Variants in ADGRL2 observed in about 807,000 individuals in gnomAD.
ADGRL2 encodes the protein adhesion G protein-coupled receptor L2.
A neutral mutation model predicts 157.4 loss-of-function variants in ADGRL2; 44 were observed. That is an observed-to-expected ratio of 0.28 (90% confidence interval 0.22 to 0.36). The LOEUF (loss-of-function observed/expected upper bound fraction) is 0.36, where lower values mean the gene tolerates loss of function less well. Ranked by LOEUF, ADGRL2 falls within the 10% of genes least tolerant of loss-of-function variation. ADGRL2 has a pLI of 1.00. For synonymous variants in ADGRL2, 585 were observed against 624.7 expected (o/e 0.94, Z 0.95); for missense variants, 1,510 against 1,768.9 (o/e 0.85, Z 2.63).
chr1:81,355,079 T>G (rs1663181355), intron 1 of ADGRL2, among the ~76,000 whole-genome samples: 1 of 152,216 alleles, frequency 6.6e-6, no homozygotes, highest in Admixed American at 6.5e-5. Context: ...TTTTCTATGT[T>G]TTAATAAATC....
At chr1:81,622,456 C>T (rs1192017304) in intron 3 of ADGRL2, among the ~76,000 whole-genome samples, 1 of 152,174 alleles carries the variant, frequency 6.6e-6, no homozygotes, top group Non-Finnish European at 1.5e-5. Flanking sequence ...TGGCACACGC[C>T]TGTAGTCCCA....
At chr1:81,535,631 C>T (rs2079716868) in intron 2 of ADGRL2, among the ~76,000 whole-genome samples, 1 of 152,110 alleles carries the variant, frequency 6.6e-6, no homozygotes, top group Non-Finnish European at 1.5e-5. Flanking sequence ...CCAGACTGTA[C>T]AGTACACCAT....
At chr1:81,908,892 T>C (rs202170518) in intron 3 of ADGRL2, among the ~76,000 whole-genome samples, 2 of 130,408 alleles carry the variant, frequency 1.5e-5, no homozygotes, top group Non-Finnish European at 3.3e-5. Context: ...TTTTTTTTTT[T>C]AAGACAGAGT....
intron 3 of ADGRL2, among the ~76,000 whole-genome samples, chr1:81,657,406 A>G (rs2082558477): frequency 6.6e-6 from 1 of 152,236 alleles, no homozygotes; most frequent in South Asian, 2.1e-4. Context: ...CGCAGCCTCC[A>G]GAACAGTGAG....
Position 81,781,839 on chromosome 1 carries a change from T to C in ADGRL2, c.-101+19987T>C, listed in dbSNP as rs1035336205. ...AATTTTAAAAACTCAAACTTGTTAC[T>C]CTGGAAGCATTTATATTTCACGGCC... On this transcript the variant is annotated intron_variant, in intron 2 of 20. Coordinates refer to the ADGRL2 transcript ENST00000359929. 2.0e-5 allele frequency among the ~76,000 whole-genome samples: 3 copies of C among 152,216 alleles called. No homozygotes were observed. The South Asian group carries it at 6.2e-4, about 31-fold the overall frequency.
chr1:81,736,329 G>A (rs1270829326), intron 1 of ADGRL2, among the ~76,000 whole-genome samples: 1 of 152,078 alleles, frequency 6.6e-6, no homozygotes, highest in Non-Finnish European at 1.5e-5. Context: ...TTATAGAGAA[G>A]CACAAGAAGT....
chr1:81,474,075 C>T (rs2078225542), intron 2 of ADGRL2, among the ~76,000 whole-genome samples: 2 of 152,338 alleles, frequency 1.3e-5, no homozygotes, highest in Admixed American at 1.3e-4. Context: ...CTCCCTATCA[C>T]AGGTCTCCCA....
chr1:81,521,407 CAAAG>C (rs760406910), intron 2 of ADGRL2, among the ~76,000 whole-genome samples: 12 of 151,932 alleles, frequency 7.9e-5, no homozygotes, highest in Non-Finnish European at 1.6e-4. Flanking sequence ...TCAAAAGAGT[CAAAG>C]GAGTGGTTGT....
At chr1:81,496,570 G>A (rs2078735741) in intron 2 of ADGRL2, among the ~76,000 whole-genome samples, 1 of 151,880 alleles carries the variant, frequency 6.6e-6, no homozygotes, top group Admixed American at 6.6e-5. Context: ...GGCAACAAAT[G>A]TGGTATTTTA....
chr1:81,473,156 CAG>C (rs377020478), intron 2 of ADGRL2, among the ~76,000 whole-genome samples: 15 of 152,008 alleles, frequency 9.9e-5, no homozygotes, highest in African/African-American at 2.2e-4. Context: ...GTGGGAGGGA[CAG>C]AGGGGATGGT....
chr1:81,894,311 A>G (rs538722503), intron 2 of ADGRL2, among the ~76,000 whole-genome samples: 4 of 152,280 alleles, frequency 2.6e-5, no homozygotes, highest in African/African-American at 7.2e-5. Flanking sequence ...TTTGAGGTAG[A>G]GTTCACAGAG....
At chr1:81,321,921 C>T (rs1660530257) in intron 1 of ADGRL2, among the ~76,000 whole-genome samples, 1 of 151,382 alleles carries the variant, frequency 6.6e-6, no homozygotes, top group Non-Finnish European at 1.5e-5. Flanking sequence ...CTGCAAAGCG[C>T]AATAAAATGA....
intron 1 of ADGRL2, among the ~76,000 whole-genome samples, chr1:81,739,072 G>T (rs1329652194): frequency 1.3e-5 from 2 of 152,140 alleles, no homozygotes; most frequent in Non-Finnish European, 2.9e-5. Flanking sequence ...TGTAGACAAG[G>T]CACTCTATTC....
In ADGRL2 at chr1:81,549,562, C is replaced by A. The variant is rs181275488; in HGVS notation, c.-247-31314C>A. On this transcript the variant is annotated intron_variant, in intron 2 of 24. Coordinates refer to the ADGRL2 transcript ENST00000370721. ...ATTGAAGTCACCATATTCTTCAATA[C>A]TCTCATTAGATAAATACATTTCAGA... Among the ~76,000 whole-genome samples, 193 of 152,300 alleles carry A rather than the reference C, an allele frequency of 1.3e-3. 1 individual carries two copies. Among genetic ancestry groups the A allele is most frequent in the Non-Finnish European group, 2.3e-3 (156 of 68,026 alleles).
chr1:81,871,652 T>C (rs1219227039), intron 2 of ADGRL2, among the ~76,000 whole-genome samples: 1 of 152,172 alleles, frequency 6.6e-6, no homozygotes, highest in South Asian at 2.1e-4. Context: ...TGATATCTCA[T>C]TGTGGTTTTG....
chr1:81,322,703 AT>A (rs1485264835), intron 1 of ADGRL2, among the ~76,000 whole-genome samples: 1 of 152,146 alleles, frequency 6.6e-6, no homozygotes, highest in African/African-American at 2.4e-5. Flanking sequence ...AAAACACGGT[AT>A]ATCAAAAATA....
At chr1:81,872,833 G>A (rs1336743319) in intron 2 of ADGRL2, among the ~76,000 whole-genome samples, 1 of 152,062 alleles carries the variant, frequency 6.6e-6, no homozygotes, top group East Asian at 1.9e-4. Flanking sequence ...GTTAATGCCT[G>A]TTAGTGTTCA....
At chr1:81,567,674 C>T (rs545908209) in intron 2 of ADGRL2, among the ~76,000 whole-genome samples, 32 of 152,040 alleles carry the variant, frequency 2.1e-4, no homozygotes, top group African/African-American at 6.5e-4. Flanking sequence ...CCCATTTGTC[C>T]GCTGTGTTTG....
rs186565590 is a variant in ADGRL2 at position 81,907,485 on chromosome 1, T to G, written c.287+255T>G. 3.1e-3 allele frequency among the ~76,000 whole-genome samples: 469 copies of G among 152,286 alleles called. 1 individual carries two copies. Among genetic ancestry groups the G allele is most frequent in the Non-Finnish European group, 4.7e-3 (320 of 68,000 alleles). On this transcript the variant is annotated intron_variant, in intron 3 of 23. Transcript: ENST00000686636. ...CTTTTTGTGTTATATAAACATGAAA[T>G]AAAAAGCAAGAATAATTGAAATGTA...
Sources: allele counts gnomAD v4.1 joint callset (sites outside exome capture counted in the v4.1 genomes callset), GRCh38; gene constraint gnomAD v4.1.1; transcripts MANE v1.5; gene names NCBI Gene and HGNC (gene_info 2026-07-23, HGNC 2026-07-21).